KLF13: variants seen among roughly 807,000 people sequenced by gnomAD.
KLF13 encodes the protein KLF transcription factor 13, also known as Krueppel-like factor 13.
KLF13 carries 8 observed loss-of-function variants against 16.7 expected under a neutral mutation model. That is an observed-to-expected ratio of 0.48 (90% CI 0.28 to 0.87). The LOEUF is 0.87. Among genes scored for constraint, KLF13 ranks in the 40% least tolerant of loss-of-function variants. The pLI is 0.10. For missense variants in KLF13, 447 were observed against 452.2 expected, an observed-to-expected ratio of 0.99 and a Z score of 0.10; for synonymous variants, 245 against 208.4, an observed-to-expected ratio of 1.18 and a Z score of -1.51.
At chr15:31,369,893 G>A (rs1566821749) in intron 1 of KLF13, among the ~76,000 whole-genome samples, 1 of 152,082 alleles carries the variant, frequency 6.6e-6, no homozygotes, top group Non-Finnish European at 1.5e-5. Flanking sequence ...CCTGGTGTTT[G>A]TTTCTTCCCC....
intron 1 of KLF13, among the ~76,000 whole-genome samples, chr15:31,358,867 A>G (rs1195660640): frequency 6.6e-6 from 1 of 152,208 alleles, no homozygotes; most frequent in Non-Finnish European, 1.5e-5. Context: ...AAGGATGTTA[A>G]CCGCACACTG....
chr15:31,396,043 G>C (rs2039947556), intron 2 of KLF13, among the ~76,000 whole-genome samples: 1 of 151,604 alleles, frequency 6.6e-6, no homozygotes, highest in Admixed American at 6.6e-5. Flanking sequence ...TCTTTTTTTT[G>C]AGACGGAGTT....
chr15:31,384,347 G>C (rs146624795), intron 1 of KLF13, among the ~76,000 whole-genome samples: 1 of 152,076 alleles, frequency 6.6e-6, no homozygotes, highest in Admixed American at 6.5e-5. Context: ...CAGGAGAATG[G>C]CTTAAACCCT....
intron 1 of KLF13, among the ~76,000 whole-genome samples, chr15:31,344,874 G>A (rs909325637): frequency 1.3e-5 from 2 of 152,196 alleles, no homozygotes; most frequent in Middle Eastern, 3.2e-3. Flanking sequence ...CAAGGAAGCC[G>A]CCTGAGTGGG....
chr15:31,360,837 G>A lies in KLF13; in HGVS notation c.578-11173G>A, dbSNP rs79090410. Among the ~76,000 whole-genome samples the A allele has an allele frequency of 1.1e-3, 163 of 152,276 alleles. 1 individual carries two copies. Among genetic ancestry groups the A allele is most frequent in the African/African-American group, 3.7e-3 (152 of 41,548 alleles). On this transcript the variant is annotated intron_variant, in intron 1 of 1. Transcript: ENST00000307145. ...CCAACCCTGAAGAATACATTGTTTC[G>A]TTATATTCTGCTGGAAACCTTGCCA... is the stretch of plus-strand genomic sequence containing the variant.
intron 1 of KLF13, among the ~76,000 whole-genome samples, chr15:31,431,856 A>T (rs2040476201): frequency 6.6e-6 from 1 of 152,192 alleles, no homozygotes; most frequent in African/African-American, 2.4e-5. Context: ...CCCTGCGAAG[A>T]CTTGCGGATG....
At chr15:31,339,015 G>A (rs2038979880) in intron 1 of KLF13, among the ~76,000 whole-genome samples, 1 of 152,130 alleles carries the variant, frequency 6.6e-6, no homozygotes, top group African/African-American at 2.4e-5. Context: ...ACACTGTGGG[G>A]GAGGCTGTGG....
At chr15:31,367,980 C>T (rs2039502105) in intron 1 of KLF13, among the ~76,000 whole-genome samples, 4 of 151,972 alleles carry the variant, frequency 2.6e-5, no homozygotes, top group Admixed American at 2.6e-4. Flanking sequence ...AGGGAGAATC[C>T]ACTCCATACC....
At chr15:31,350,331 G>A (rs11857440) in intron 1 of KLF13, among the ~76,000 whole-genome samples, 61,339 of 152,070 alleles carry the variant, frequency 0.4, 13,149 homozygotes, top group African/African-American at 0.56. Flanking sequence ...ACATTGGTCC[G>A]TTGTTCGGAA....
At chr15:31,404,671 C>G (rs1285403292) in exon 3 of KLF13, 1 of 152,246 alleles carries the variant, frequency 6.6e-6, no homozygotes, top group East Asian at 1.9e-4. Context: ...CACTGGGTCC[C>G]CATCCCTGTT....
chr15:31,343,736 A>G lies in KLF13; in HGVS notation c.577+15947A>G, dbSNP rs540094546. On this transcript the variant is annotated intron_variant, in intron 1 of 1. Coordinates refer to ENST00000307145, the MANE Select transcript of KLF13 (RefSeq NM_015995.4). Reference sequence around the variant, plus strand: ...CAGCTCTGGCTTTCCAACAGCACGCACAGCCCTCGGGCCAGGCTGAGTCCT... The same window carrying G: ...CAGCTCTGGCTTTCCAACAGCACGCGCAGCCCTCGGGCCAGGCTGAGTCCT... Among the ~76,000 whole-genome samples, 46 of 152,304 alleles carry G rather than the reference A, an allele frequency of 3.0e-4. No individual in the cohort carries two copies. The South Asian group carries it at 8.3e-3, about 27-fold the overall frequency.
intron 1 of KLF13, among the ~76,000 whole-genome samples, chr15:31,348,615 C>T (rs770679608): frequency 3.9e-5 from 6 of 151,954 alleles, no homozygotes; most frequent in South Asian, 2.1e-4. Flanking sequence ...CACTGATGTC[C>T]GCATTTTTTA....
intron 1 of KLF13, among the ~76,000 whole-genome samples, chr15:31,434,152 C>T (rs2040503350): frequency 6.6e-6 from 1 of 152,290 alleles, no homozygotes; most frequent in East Asian, 1.9e-4. Context: ...CGTTGCTTCG[C>T]GTCCGTTACT....
intron 1 of KLF13, among the ~76,000 whole-genome samples, chr15:31,337,165 C>T (rs2038942229): frequency 6.6e-6 from 1 of 152,224 alleles, no homozygotes; most frequent in Non-Finnish European, 1.5e-5. Context: ...CCCTCTCCCA[C>T]TAGGCATGCT....
At chr15:31,366,507 C>A (rs994110323) in intron 1 of KLF13, 1 of 152,302 alleles carries the variant, frequency 6.6e-6, no homozygotes, top group African/African-American at 2.4e-5. Context: ...TCTGGAATCT[C>A]CTACTGGTTC....
At chr15:31,352,161 G>A (rs997592787) in intron 1 of KLF13, among the ~76,000 whole-genome samples, 27 of 152,186 alleles carry the variant, frequency 1.8e-4, no homozygotes, top group East Asian at 5.8e-4. Context: ...ACGCTGCCCC[G>A]TACCTGGGAG....
At chr15:31,381,824 A>G (rs1274706908), downstream of KLF13, among the ~76,000 whole-genome samples, 1 of 152,258 alleles carries the variant, frequency 6.6e-6, no homozygotes, top group Non-Finnish European at 1.5e-5. Context: ...ACTTCACTAC[A>G]GTTCTTAAAA....
intron 1 of KLF13, among the ~76,000 whole-genome samples, chr15:31,417,326 C>A (rs1049790081): frequency 2.0e-5 from 3 of 151,878 alleles, no homozygotes; most frequent in Non-Finnish European, 2.9e-5. Flanking sequence ...GAAACCCCAT[C>A]TCTACTAAAA....
chr15:31,398,664 G>T (rs149276703), intron 2 of KLF13, among the ~76,000 whole-genome samples: 203 of 152,250 alleles, frequency 1.3e-3, no homozygotes, highest in African/African-American at 4.6e-3. Flanking sequence ...CCCAGGCACA[G>T]TACCACATCA....
Sources: gnomAD v4.1 joint callset for allele counts (sites outside exome capture counted in the v4.1 genomes callset) on GRCh38, gnomAD v4.1.1 for gene constraint, MANE v1.5 for transcripts, NCBI Gene and HGNC (gene_info 2026-07-23, HGNC 2026-07-21) for gene names.